The following AGAP1 variants were observed in gnomAD, a reference collection of about 807,000 sequenced individuals.
The protein encoded by AGAP1 is arf-GAP with GTPase, ANK repeat and PH domain-containing protein 1.
AGAP1 carries 29 observed loss-of-function variants against 105.3 expected under a neutral mutation model. That is an observed-to-expected ratio of 0.28 (90% confidence interval 0.21 to 0.38). AGAP1 has a LOEUF of 0.38. Among genes scored for constraint, AGAP1 ranks in the 10% least tolerant of loss-of-function variants. The pLI, the probability that AGAP1 is intolerant of heterozygous loss-of-function variation, is 1.00. For missense variants in AGAP1, 998 were observed against 1,165.1 expected (o/e 0.86, Z 2.09); for synonymous variants, 509 against 485.9 (o/e 1.05, Z -0.63).
In AGAP1 at chr2:235,979,861, G is replaced by A. The variant is rs2055017179; in HGVS notation, c.1645+11238G>A. On this transcript the variant is annotated intron_variant, in intron 13 of 17. Coordinates refer to ENST00000304032, the MANE Select transcript of AGAP1 (RefSeq NM_001037131.3). This position sits in a 1 kb window ranked among gnomAD's most constrained non-coding sequence, Gnocchi z 4.5. ...AAATGTTTTAGTTTTCTCTTAAGCT[G>A]ATTTCGCTCTGCTTTTTCTTAAAAG... is the stretch of plus-strand genomic sequence containing the variant. Among the ~76,000 whole-genome samples the A allele has an allele frequency of 6.6e-6, 1 of 152,224 alleles. No individual in the cohort carries two copies. Among genetic ancestry groups the A allele is most frequent in the African/African-American group, 2.4e-5 (1 of 41,456 alleles).
At chr2:235,647,049 T>G (rs1575034643) in intron 1 of AGAP1, among the ~76,000 whole-genome samples, 1 of 147,362 alleles carries the variant, frequency 6.8e-6, no homozygotes, top group East Asian at 2.0e-4. Flanking sequence ...GGCAGGAGAA[T>G]GGCGTGAACC....
At chr2:235,854,988 G>A (rs1038852435) in intron 9 of AGAP1, among the ~76,000 whole-genome samples, 5 of 152,140 alleles carry the variant, frequency 3.3e-5, no homozygotes, top group African/African-American at 4.8e-5. Context: ...TTCAGAGGAG[G>A]GCCCGCCATG....
Position 236,063,552 on chromosome 2 carries a change from T to G in AGAP1, c.2114+14271T>G, listed in dbSNP as rs139936511. Among the ~76,000 whole-genome samples the G allele has an allele frequency of 2.7e-3, 407 of 152,334 alleles. 2 individuals carry two copies. The highest frequency in any genetic ancestry group is 9.2e-3 in the African/African-American group (382 of 41,584). ...TAAAATCTTGACGAGATTATTTTCA[T>G]GTTAAGAAAGGTAAAAGTTGCACAC... On this transcript the variant is annotated intron_variant, in intron 16 of 17. Transcript: ENST00000304032.
intron 10 of AGAP1, among the ~76,000 whole-genome samples, chr2:235,894,779 G>A (rs1362002455): frequency 3.3e-5 from 5 of 152,000 alleles, no homozygotes; most frequent in South Asian, 2.1e-4. Flanking sequence ...AGTGTGATTC[G>A]GCTCCTCTCT....
Position 235,964,671 on chromosome 2 carries a change from T to A in AGAP1, c.1484-3791T>A, listed in dbSNP as rs1422394125. On this transcript the variant is annotated intron_variant, in intron 12 of 17. Coordinates refer to ENST00000304032, the MANE Select transcript of AGAP1 (RefSeq NM_001037131.3). This position sits in a 1 kb window ranked among gnomAD's most constrained non-coding sequence, Gnocchi z 4.6. Reference sequence around the variant, plus strand: ...AATAAAAATTAATTAGGCTCGCCCTTTTTTTTCCAAGATATCTATAGCTTT... The same window carrying A: ...AATAAAAATTAATTAGGCTCGCCCTATTTTTTCCAAGATATCTATAGCTTT... Among the ~76,000 whole-genome samples, 1 of 152,094 alleles carries A rather than the reference T, an allele frequency of 6.6e-6. No homozygotes were observed. The highest frequency in any genetic ancestry group is 1.9e-4 in the East Asian group (1 of 5,192).
chr2:235,542,537 G>A (rs916491899), intron 1 of AGAP1, among the ~76,000 whole-genome samples: 4 of 150,538 alleles, frequency 2.7e-5, no homozygotes, highest in African/African-American at 7.5e-5. Flanking sequence ...TCCCAAATCC[G>A]TACATCCTCC....
chr2:235,628,498 G>T (rs1946714847), intron 1 of AGAP1, among the ~76,000 whole-genome samples: 4 of 152,172 alleles, frequency 2.6e-5, no homozygotes, highest in Admixed American at 2.0e-4. Flanking sequence ...TGAGCTCCAG[G>T]CAGAAGAACA....
chr2:236,098,204 A>AGT (rs2059243276), intron 16 of AGAP1, among the ~76,000 whole-genome samples: 1 of 152,206 alleles, frequency 6.6e-6, no homozygotes, highest in Non-Finnish European at 1.5e-5. Flanking sequence ...TATACCTAGA[A>AGT]GTGGGATTGC....
intron 9 of AGAP1, among the ~76,000 whole-genome samples, chr2:235,823,317 G>A (rs1490049664): frequency 6.6e-6 from 1 of 151,928 alleles, no homozygotes; most frequent in Non-Finnish European, 1.5e-5. Context: ...ACTGAGTGCT[G>A]TCTTTCCCCA....
chr2:235,803,402 T>C (rs950349778), intron 8 of AGAP1, among the ~76,000 whole-genome samples: 1 of 152,240 alleles, frequency 6.6e-6, no homozygotes, highest in Non-Finnish European at 1.5e-5. Context: ...AGACTCTTCA[T>C]CCCTGGCAGT....
In AGAP1 at chr2:236,027,157, T is replaced by G. The variant is rs1301755629; in HGVS notation, c.1646-9404T>G. On this transcript the variant is annotated intron_variant, in intron 13 of 17. Coordinates refer to ENST00000304032, the MANE Select transcript of AGAP1 (RefSeq NM_001037131.3). This position sits in a 1 kb window ranked among gnomAD's most constrained non-coding sequence, Gnocchi z 4.4. ...CTCTATAATCCTTGTACTTATTTTTTTTAATCTTGGGAGGCAGAGAAAAGT... is the reference window on the plus strand; with the variant it reads ...CTCTATAATCCTTGTACTTATTTTTGTTAATCTTGGGAGGCAGAGAAAAGT... 6.6e-6 allele frequency among the ~76,000 whole-genome samples: 1 copy of G among 152,170 alleles called. No homozygotes were observed. The highest frequency in any genetic ancestry group is 2.4e-5 in the African/African-American group (1 of 41,436).
chr2:235,599,505 T>C lies in AGAP1; in HGVS notation c.163+104656T>C, dbSNP rs574058368. ...AATGACTGCAAAGCTATCTTACTCT[T>C]TATTCCATAGCCACAAAAATAAGTT... is the stretch of plus-strand genomic sequence containing the variant. On this transcript the variant is annotated intron_variant, in intron 1 of 17. Coordinates refer to ENST00000304032, the MANE Select transcript of AGAP1 (RefSeq NM_001037131.3). The surrounding 1 kb of genome is among the most constrained non-coding windows in gnomAD (Gnocchi z 5.3). Among the ~76,000 whole-genome samples the C allele has an allele frequency of 2.0e-5, 3 of 152,292 alleles. No individual in the cohort carries two copies. The South Asian group carries it at 6.2e-4, about 32-fold the overall frequency.
chr2:235,707,639 A>G (rs11677569), intron 1 of AGAP1, among the ~76,000 whole-genome samples: 2 of 123,400 alleles, frequency 1.6e-5, no homozygotes, highest in South Asian at 2.7e-4. Flanking sequence ...GCTCCCCAGC[A>G]TGTGACATGA....
chr2:236,122,758 C>CT (rs1252556210), intron 17 of AGAP1, among the ~76,000 whole-genome samples: 2 of 147,020 alleles, frequency 1.4e-5, no homozygotes, highest in Non-Finnish European at 3.0e-5. Context: ...TCTCGGCTCA[C>CT]TGCAACCTCT....
rs998770877 is a variant in AGAP1, at chr2:235,801,371, C to A, written c.957+1849C>A. Among the ~76,000 whole-genome samples the A allele has an allele frequency of 9.9e-5, 15 of 152,254 alleles. No homozygotes were observed. The highest frequency in any genetic ancestry group is 3.6e-4 in the African/African-American group (15 of 41,548). On this transcript the variant is annotated intron_variant, in intron 8 of 17. Coordinates refer to ENST00000304032, the MANE Select transcript of AGAP1 (RefSeq NM_001037131.3). This position sits in a 1 kb window ranked among gnomAD's most constrained non-coding sequence, Gnocchi z 6.0. The stretch of plus-strand genomic sequence containing the variant: ...CCATGGTTTTCTCACTCCATTGATG[C>A]TATAAAATGATTTCTGATCGTGTTA...
chr2:236,077,954 C>G (rs989861242), intron 16 of AGAP1, among the ~76,000 whole-genome samples: 1 of 151,942 alleles, frequency 6.6e-6, no homozygotes, highest in Admixed American at 6.6e-5. Flanking sequence ...AGCCTCACAG[C>G]GATAGGGCTC....
At position 235,931,045 on chromosome 2, in the gene AGAP1, G is replaced by A. The variant is rs866625879; in HGVS notation, c.1483+122G>A. 1.4e-4 allele frequency: 159 copies of A among 1,142,474 alleles called. No individual in the cohort carries two copies. The African/African-American group carries it at 1.6e-3, about 11-fold the overall frequency. The allele number at this position is 1,142,474 out of a possible 1,614,324, so 70.8% of individuals were successfully genotyped here. The stretch of plus-strand genomic sequence containing the variant: ...CTGGGAGCGCAGCACCCTGTGGGGC[G>A]GCTGCATCAGAGACTCACATCTTGC... On this transcript the variant is annotated intron_variant, in intron 12 of 17. Transcript: ENST00000304032. This position sits in a 1 kb window ranked among gnomAD's most constrained non-coding sequence, Gnocchi z 5.6.
At chr2:235,638,032 A>G (rs1233947081) in intron 1 of AGAP1, among the ~76,000 whole-genome samples, 1 of 152,188 alleles carries the variant, frequency 6.6e-6, no homozygotes, top group Non-Finnish European at 1.5e-5. Flanking sequence ...TATCTCTTCC[A>G]GGAACACCCT....
chr2:235,711,025 C>T (rs1339733501), intron 2 of AGAP1, among the ~76,000 whole-genome samples: 1 of 152,180 alleles, frequency 6.6e-6, no homozygotes, highest in Non-Finnish European at 1.5e-5. Flanking sequence ...CCCAAGGAGC[C>T]ACAGTGAGTA....
Sources: gnomAD v4.1 joint callset for allele counts (sites outside exome capture counted in the v4.1 genomes callset) on GRCh38, gnomAD v4.1.1 for gene constraint, Gnocchi (gnomAD v3.1) non-coding constraint, MANE v1.5 for transcripts, NCBI Gene and HGNC (gene_info 2026-07-23, HGNC 2026-07-21) for gene names.